The following PIGN variants were observed in gnomAD, a reference collection of about 807,000 sequenced individuals.
PIGN encodes the protein phosphatidylinositol glycan anchor biosynthesis class N.
PIGN carries 117 observed loss-of-function variants against 125.4 expected under a neutral mutation model. That is an observed-to-expected ratio of 0.93 (90% CI 0.80 to 1.09). The LOEUF is 1.09. PIGN is among the 50% of genes least tolerant of loss of function. PIGN has a pLI of 0.00. For missense variants in PIGN, 1,075 were observed against 1,094.9 expected (o/e 0.98, Z 0.26); for synonymous variants, 392 against 377.8 (o/e 1.04, Z -0.44).
At chr18:62,031,165 C>G (rs1409044863) in intron 23 of PIGN, among the ~76,000 whole-genome samples, 7 of 152,118 alleles carry the variant, frequency 4.6e-5, no homozygotes. Flanking sequence ...ATAAGTCTCA[C>G]AAGTTCTGAT....
intron 1 of PIGN, among the ~76,000 whole-genome samples, chr18:62,164,902 A>G (rs1185434664): frequency 1.3e-5 from 2 of 152,194 alleles, no homozygotes; most frequent in Non-Finnish European, 2.9e-5. Context: ...AGTGCAGTGG[A>G]AGTTAACAGA....
At chr18:62,062,868 GC>G (rs1465830452) in intron 30 of PIGN, among the ~76,000 whole-genome samples, 1 of 48,558 alleles carries the variant, frequency 2.1e-5, no homozygotes, top group Non-Finnish European at 4.2e-5. Flanking sequence ...TTTGTTTTAT[GC>G]TTTTGTATTC....
intron 30 of PIGN, among the ~76,000 whole-genome samples, chr18:62,055,035 T>C (rs1008752332): frequency 1.3e-5 from 2 of 152,186 alleles, no homozygotes; most frequent in South Asian, 2.1e-4. Context: ...ATAAAAAATA[T>C]TGACAGCACC....
intron 28 of PIGN, among the ~76,000 whole-genome samples, chr18:62,076,348 AT>A (rs1039582502): frequency 2.0e-5 from 3 of 152,048 alleles, no homozygotes; most frequent in East Asian, 1.9e-4. Context: ...TAATTAAATT[AT>A]TTTTTTACTG....
At chr18:62,140,529 A>C (rs549403919) in intron 11 of PIGN, 50 bp from the exon 12 acceptor site, 1 of 896,788 alleles carries the variant, frequency 1.1e-6, no homozygotes, top group African/African-American at 1.7e-5. Flanking sequence ...ATCAACAAAG[A>C]AATTAAATAA....
Position 62,113,199 on chromosome 18 carries a change from A to T in PIGN, c.1369T>A (p.Tyr457Asn). Residue 457 changes from tyrosine (Y) to asparagine (N), a missense_variant, in exon 16 of 31, where the codon TAT (tyrosine) becomes AAT (asparagine). Tyr to Asn is a moderately radical substitution (Grantham distance 143). Transcript: ENST00000640252. The stretch of plus-strand genomic sequence containing the variant: ...GACTTGATGATCAACAAAGAGGCAT[A>T]AGATATCCATCCCACAAAACCAATA... Reference protein sequence around the residue: ...VVIGFVGWISYASLLIIKSHS... With the variant: ...VVIGFVGWISNASLLIIKSHS... 6.2e-7 allele frequency: 1 copy of T among 1,612,976 alleles called. No homozygotes were observed. The highest frequency in any genetic ancestry group is 1.1e-5 in the South Asian group (1 of 91,020).
At chr18:62,027,335 G>C (rs879771711) in intron 23 of PIGN, among the ~76,000 whole-genome samples, 1 of 152,196 alleles carries the variant, frequency 6.6e-6, no homozygotes, top group Non-Finnish European at 1.5e-5. Context: ...AGTTTATTTT[G>C]TCAAGGTTGA....
chr18:62,061,099 T>A (rs2032095020), intron 30 of PIGN, among the ~76,000 whole-genome samples: 1 of 152,222 alleles, frequency 6.6e-6, no homozygotes, highest in Non-Finnish European at 1.5e-5. Context: ...GACTGTAGTG[T>A]ATGCTTCCTG....
intron 1 of PIGN, among the ~76,000 whole-genome samples, chr18:62,165,751 C>A (rs141398808): frequency 2.0e-5 from 3 of 152,194 alleles, no homozygotes; most frequent in South Asian, 4.2e-4. Flanking sequence ...GTGATTCAAG[C>A]GTGAAGGGTG....
At chr18:62,160,159 A>G (rs2036895911) in intron 4 of PIGN, among the ~76,000 whole-genome samples, 1 of 152,208 alleles carries the variant, frequency 6.6e-6, no homozygotes, top group Admixed American at 6.5e-5. Context: ...GATAGGAGGT[A>G]ATGATGACAG....
At chr18:62,103,570 T>A (rs777094775) in intron 20 of PIGN, 3 of 152,188 alleles carry the variant, frequency 2.0e-5, no homozygotes, top group Non-Finnish European at 4.4e-5. Flanking sequence ...TGGTGCCCTA[T>A]TGTTGAGCTC....
At chr18:62,139,882 T>G (rs2036072413) in intron 12 of PIGN, among the ~76,000 whole-genome samples, 1 of 152,166 alleles carries the variant, frequency 6.6e-6, no homozygotes, top group Admixed American at 6.5e-5. Flanking sequence ...ATATCCTGGT[T>G]CCAGGTTATT....
chr18:62,040,556 C>CTT (rs2030340526), downstream of PIGN, among the ~76,000 whole-genome samples: 1 of 152,168 alleles, frequency 6.6e-6, no homozygotes, highest in Admixed American at 6.5e-5. Flanking sequence ...ATACTGTCAG[C>CTT]TTATCACTGT....
intron 28 of PIGN, among the ~76,000 whole-genome samples, chr18:62,076,226 C>T (rs2033166456): frequency 6.6e-6 from 1 of 152,234 alleles, no homozygotes; most frequent in Non-Finnish European, 1.5e-5. Context: ...AGCCACCACG[C>T]CCAACCCATT....
Position 62,051,002 on chromosome 18 carries a change from T to A in PIGN, c.2673-5023A>T, listed in dbSNP as rs376042116. 9.3e-3 allele frequency among the ~76,000 whole-genome samples: 1,403 copies of A among 151,016 alleles called. 38 individuals carry two copies. Among genetic ancestry groups the A allele is most frequent in the East Asian group, 0.068 (344 of 5,088 alleles). On this transcript the variant is annotated intron_variant, in intron 30 of 30. Coordinates refer to ENST00000640252, the MANE Select transcript of PIGN (RefSeq NM_176787.5). Reference sequence around the variant, plus strand: ...GGTTATGTTTATATGCTGGATTACATTTATTGATTTGTGTATATTGAACCA... The same window carrying A: ...GGTTATGTTTATATGCTGGATTACAATTATTGATTTGTGTATATTGAACCA...
At position 62,073,923 on chromosome 18, in the gene PIGN, A is replaced by C. The variant is rs565522211; in HGVS notation, c.2619+856T>G. On this transcript the variant is annotated intron_variant, in intron 29 of 30. Transcript: ENST00000640252. Reference sequence around the variant, plus strand: ...GGCTTGGCCACTGGACAGTCTAATAATGTGATATATGATGAGGGCTTTGGG... The same window carrying C: ...GGCTTGGCCACTGGACAGTCTAATACTGTGATATATGATGAGGGCTTTGGG... Among the ~76,000 whole-genome samples the C allele has an allele frequency of 4.9e-4, 74 of 152,316 alleles. 1 individual carries two copies. The highest frequency in any genetic ancestry group is 6.8e-3 in the Middle Eastern group (2 of 294).
chr18:62,060,590 CT>C (rs1057157362), intron 30 of PIGN, among the ~76,000 whole-genome samples: 2 of 151,906 alleles, frequency 1.3e-5, no homozygotes, highest in Non-Finnish European at 2.9e-5. Context: ...TGAGTTCTCT[CT>C]TTTTTTTGAG....
At chr18:62,158,366 T>C (rs1456801253) in intron 4 of PIGN, among the ~76,000 whole-genome samples, 1 of 152,204 alleles carries the variant, frequency 6.6e-6, no homozygotes, top group Admixed American at 6.5e-5. Flanking sequence ...GGTATACAGA[T>C]GTTCATCAAA....
chr18:62,020,734 G>A (rs2030042947), intron 23 of PIGN, among the ~76,000 whole-genome samples: 1 of 151,460 alleles, frequency 6.6e-6, no homozygotes, highest in African/African-American at 2.4e-5. Context: ...CAGATCACGA[G>A]GTCAGGAGAT....
Sources: gnomAD v4.1 joint callset for allele counts (sites outside exome capture counted in the v4.1 genomes callset) on GRCh38, gnomAD v4.1.1 for gene constraint, MANE v1.5 for transcripts, NCBI Gene and HGNC (gene_info 2026-07-23, HGNC 2026-07-21) for gene names.